Variants in ZNF470 observed in about 807,000 individuals in gnomAD.
ZNF470 encodes chondrogenesis zinc finger protein 1.
Under a neutral mutation model 13.9 loss-of-function variants are expected in ZNF470, and 13 were observed. The observed-to-expected ratio is 0.94, with a 90% CI of 0.61 to 1.49. The LOEUF is 1.49. ZNF470 is among the 40% of genes most tolerant of loss of function. ZNF470 has a pLI of 0.00. For missense variants in ZNF470, 929 were observed against 857.3 expected (o/e 1.08, Z -1.04); for synonymous variants, 293 against 282.9 (o/e 1.04, Z -0.36).
Position 56,581,684 on chromosome 19 carries a change from ATATATAT to A in ZNF470, c.*3106_*3112del. 1.0e-6 allele frequency: 1 copy of A among 982,084 alleles called. No homozygotes were observed. The highest frequency in any genetic ancestry group is 1.2e-6 in the Non-Finnish European group (1 of 826,890). 60.8% of individuals were successfully genotyped at this position (982,084 alleles called of 1,614,324 possible). A position where few individuals can be genotyped will look rare whatever the true frequency, so the allele number is the denominator to read the frequency against. ...TGTGATATCAAAAATAAAAATCAAA[ATATATAT>A]TATAGTAGGCATTTGTTTTTCTCTG... On this transcript the variant is annotated 3_prime_UTR_variant, in exon 6 of 6. Transcript: ENST00000330619.
In ZNF470 at chr19:56,577,128, T is replaced by C; in HGVS notation, c.699T>C (p.Cys233=). The C allele has an allele frequency of 6.2e-7, 1 of 1,612,988 alleles. No individual in the cohort carries two copies. Among genetic ancestry groups the C allele is most frequent in the Non-Finnish European group, 8.5e-7 (1 of 1,179,700 alleles). ...AGAAACTTTTAAAATGTAATGACTG[T>C]GAGAAAATATTCAGCAAAATCTCAA... ...GEKKLLKCND[C]EKIFSKISTL... is the part of the protein sequence containing the mutation. Residue 233 remains cysteine (C), a synonymous_variant, in exon 6 of 6, where the codon TGT becomes TGC. Transcript: ENST00000330619.
At position 56,577,592 on chromosome 19, in the gene ZNF470, G is replaced by A. The variant is rs886800028; in HGVS notation, c.1163G>A (p.Arg388Gln). 26 of 1,613,808 alleles carry A rather than the reference G, an allele frequency of 1.6e-5. No individual in the cohort carries two copies. Among genetic ancestry groups the A allele is most frequent in the Admixed American group, 1.2e-4 (7 of 59,960 alleles). The change falls in exon 6 of 6, where the codon CGA becomes CAA. Residue 388 changes from arginine (R) to glutamine (Q), a missense_variant. Transcript: ENST00000330619. ...AATGCTTCTCTTATACGTCATCGGC[G>A]ATATTATCATACTGGAGAGAAACCC... ...RQNASLIRHR[R>Q]YYHTGEKPFD...
intron 3 of ZNF470, among the ~76,000 whole-genome samples, chr19:56,573,074 A>G (rs2044466476): frequency 6.6e-6 from 1 of 152,250 alleles, no homozygotes; most frequent in South Asian, 2.1e-4. Context: ...AATATAGGTA[A>G]TCTAGATTCA....
At position 56,574,288 on chromosome 19, in the gene ZNF470, T is replaced by C. The variant is rs772244227; in HGVS notation, c.61-106T>C. On this transcript the variant is annotated intron_variant, in intron 3 of 5. Transcript: ENST00000330619. ...TTTAGACCCTTAGTGCAGTTACTTA[T>C]ACATAGTGTTTTTAATCCCAAAGTG... 64 of 1,535,780 alleles carry C rather than the reference T, an allele frequency of 4.2e-5. No homozygotes were observed. In the Middle Eastern group the frequency reaches 5.1e-4, roughly 12 times the overall value.
chr19:56,578,790 A>G lies in ZNF470; in HGVS notation c.*207A>G, dbSNP rs1026974788. On this transcript the variant is annotated 3_prime_UTR_variant, in exon 6 of 6. Transcript: ENST00000330619. The stretch of plus-strand genomic sequence containing the variant: ...CATAATTTATGTTATTTTCCCATTT[A>G]AAACACTTGATTTGAAAAATATATT... The G allele has an allele frequency of 6.5e-6, 8 of 1,234,832 alleles. No individual in the cohort carries two copies. In the South Asian group the frequency reaches 1.9e-4, roughly 29 times the overall value. The allele number at this position is 1,234,832 out of a possible 1,614,324, so 76.5% of individuals were successfully genotyped here. A position where few individuals can be genotyped will look rare whatever the true frequency, so the allele number is the denominator to read the frequency against.
chr19:56,582,110 A>C lies in ZNF470; in HGVS notation c.*3527A>C, dbSNP rs542416199. On this transcript the variant is annotated 3_prime_UTR_variant, in exon 6 of 6. Coordinates refer to ENST00000330619, the MANE Select transcript of ZNF470 (RefSeq NM_001001668.4). ...GGTATTGGGAGTTGCTTTTTGGATGAGATGGGGCGAATAAGACTTATATTC... is the reference window on the plus strand; with the variant it reads ...GGTATTGGGAGTTGCTTTTTGGATGCGATGGGGCGAATAAGACTTATATTC... 5.7e-5 allele frequency: 56 copies of C among 985,242 alleles called. No individual in the cohort carries two copies. The highest frequency in any genetic ancestry group is 6.5e-5 in the Non-Finnish European group (54 of 829,924). The allele number at this position is 985,242 out of a possible 1,614,324, so 61.0% of individuals were successfully genotyped here.
chr19:56,568,924 T>C (rs1306501623), intron 2 of ZNF470, 41 bp downstream of exon 2: 3 of 152,312 alleles, frequency 2.0e-5, no homozygotes, highest in Admixed American at 2.0e-4. Context: ...AGAAACTGAC[T>C]CTGAAAGGGT....
intron 3 of ZNF470, among the ~76,000 whole-genome samples, chr19:56,573,714 G>A (rs766877587): frequency 2.6e-5 from 4 of 152,190 alleles, no homozygotes; most frequent in East Asian, 1.9e-4. Context: ...GGCTGAGGTG[G>A]GAGGATTGTG....
chr19:56,578,070 TCAGATTGCACAC>T lies in ZNF470; in HGVS notation c.1643_1654del (p.Gln548_His551del), dbSNP rs754385793. ...GTAAGGAATGTGGTAAGGCCTTCAGTCAGATTGCACACCTTGTTCAGCACCAGAGAGTTCATA... is the reference window on the plus strand; with the variant it reads ...GTAAGGAATGTGGTAAGGCCTTCAGTCTTGTTCAGCACCAGAGAGTTCATA... On this transcript the variant is annotated inframe_deletion, in exon 6 of 6. Coordinates refer to ENST00000330619, the MANE Select transcript of ZNF470 (RefSeq NM_001001668.4). 2.4e-5 allele frequency: 39 copies of T among 1,613,638 alleles called. No individual in the cohort carries two copies. The highest frequency in any genetic ancestry group is 2.9e-5 in the Non-Finnish European group (34 of 1,179,960).
In ZNF470 at chr19:56,574,728, G is replaced by A. The variant is rs759158697; in HGVS notation, c.278G>A (p.Cys93Tyr). Reference protein sequence around the residue: ...VIKGGMNRGLCPDLECVWVTK... With the variant: ...VIKGGMNRGLYPDLECVWVTK... ...AAAGGAGGGATGAACAGAGGCCTGTGCCCAGGTAAGTGGAGGATACCTAGA... is the reference window on the plus strand; with the variant it reads ...AAAGGAGGGATGAACAGAGGCCTGTACCCAGGTAAGTGGAGGATACCTAGA... The change falls in exon 5 of 6, where the codon TGC becomes TAC. Residue 93 changes from cysteine (C) to tyrosine (Y), a missense_variant. Cys to Tyr is a radical substitution (Grantham distance 194). Transcript: ENST00000330619. 10 of 1,613,038 alleles carry A rather than the reference G, an allele frequency of 6.2e-6. No individual in the cohort carries two copies. Among genetic ancestry groups the A allele is most frequent in the Non-Finnish European group, 8.5e-6 (10 of 1,179,448 alleles).
chr19:56,573,925 A>G (rs758531308), intron 3 of ZNF470: 2 of 983,092 alleles, frequency 2.0e-6, no homozygotes, highest in East Asian at 1.1e-4. Flanking sequence ...ACCTCTTAAC[A>G]TCTCAAGAAC....
Position 56,581,953 on chromosome 19 carries a change from T to C in ZNF470, c.*3370T>C, listed in dbSNP as rs2044539326. The C allele has an allele frequency of 6.1e-6, 6 of 985,322 alleles. No individual in the cohort carries two copies. The highest frequency in any genetic ancestry group is 7.2e-6 in the Non-Finnish European group (6 of 829,948). 61.0% of individuals were successfully genotyped at this position (985,322 alleles called of 1,614,324 possible). On this transcript the variant is annotated 3_prime_UTR_variant, in exon 6 of 6. Transcript: ENST00000330619. Reference sequence around the variant, plus strand: ...TTGTACTTTCCAAGTCTGTGATTCCTCAAACTACCCATTGTCTTTCCGGTA... The same window carrying C: ...TTGTACTTTCCAAGTCTGTGATTCCCCAAACTACCCATTGTCTTTCCGGTA...
In ZNF470 at chr19:56,578,605, T is replaced by C. The variant is rs370480814; in HGVS notation, c.*22T>C. 2,036 of 1,481,042 alleles carry C rather than the reference T, an allele frequency of 1.4e-3. 3 individuals carry two copies. Among genetic ancestry groups the C allele is most frequent in the Non-Finnish European group, 1.7e-3 (1,917 of 1,113,714 alleles). The allele number at this position is 1,481,042 out of a possible 1,614,324, so 91.7% of individuals were successfully genotyped here. ...ATAGATTCAATCTCGTAAATGCTTC[T>C]AGCATCCATCTGCTTTTTTCCAGCA... On this transcript the variant is annotated 3_prime_UTR_variant, in exon 6 of 6. Coordinates refer to ENST00000330619, the MANE Select transcript of ZNF470 (RefSeq NM_001001668.4).
chr19:56,581,696 G>T lies in ZNF470; in HGVS notation c.*3113G>T. The T allele has an allele frequency of 1.0e-6, 1 of 983,980 alleles. No homozygotes were observed. Among genetic ancestry groups the T allele is most frequent in the Non-Finnish European group, 1.2e-6 (1 of 828,640 alleles). The allele number at this position is 983,980 out of a possible 1,614,324, so 61.0% of individuals were successfully genotyped here. On this transcript the variant is annotated 3_prime_UTR_variant, in exon 6 of 6. Coordinates refer to ENST00000330619, the MANE Select transcript of ZNF470 (RefSeq NM_001001668.4). Reference sequence around the variant, plus strand: ...AATAAAAATCAAAATATATATTATAGTAGGCATTTGTTTTTCTCTGCCCAG... The same window carrying T: ...AATAAAAATCAAAATATATATTATATTAGGCATTTGTTTTTCTCTGCCCAG...
chr19:56,570,501 C>A, intron 3 of ZNF470, 130 bp downstream of exon 3: 2 of 849,162 alleles, frequency 2.4e-6, no homozygotes, highest in Non-Finnish European at 1.9e-6. Context: ...TCTTCCCTTT[C>A]TGATATGTGA....
rs768842930 is a variant in ZNF470 at position 56,570,389 on chromosome 19, C to A, written c.60+18C>A. On this transcript the variant is annotated intron_variant, in intron 3 of 5. Coordinates refer to ENST00000330619, the MANE Select transcript of ZNF470 (RefSeq NM_001001668.4). ...TGTCCCTGGTGAGTTAGTATTCCCC[C>A]TCTCCCCACTAAAATAGTTTTGCTT... 1.1e-5 allele frequency: 18 copies of A among 1,612,100 alleles called. No individual in the cohort carries two copies. The highest frequency in any genetic ancestry group is 1.6e-4 in the Middle Eastern group (1 of 6,062).
In ZNF470 at chr19:56,574,355, G is replaced by A. The variant is rs577769230; in HGVS notation, c.61-39G>A. On this transcript the variant is annotated intron_variant, in intron 3 of 5. Transcript: ENST00000330619. The stretch of plus-strand genomic sequence containing the variant: ...TTACCCTAGAGCTGCATTGGAATGT[G>A]AACACTGAGTGAGCAAGATCATATT... The A allele has an allele frequency of 4.3e-6, 7 of 1,612,772 alleles. No homozygotes were observed. The African/African-American group carries it at 5.3e-5, about 12-fold the overall frequency.
rs557994777 is a variant in ZNF470, at chr19:56,573,090, C to T, written c.61-1304C>T. Among the ~76,000 whole-genome samples, 27 of 152,206 alleles carry T rather than the reference C, an allele frequency of 1.8e-4. 1 individual carries two copies. The South Asian group carries it at 3.7e-3, about 21-fold the overall frequency. On this transcript the variant is annotated intron_variant, in intron 3 of 5. Transcript: ENST00000330619. ...ATATAGGTAATCTAGATTCAGAGAC[C>T]ATGTCTAAACTATTGTAGCATACTA...
In ZNF470 at chr19:56,578,507, C is replaced by T. The variant is rs1174279547; in HGVS notation, c.2078C>T (p.Ala693Val). 3.1e-6 allele frequency: 5 copies of T among 1,605,138 alleles called. No homozygotes were observed. In the East Asian group the frequency reaches 6.7e-5, roughly 21 times the overall value. ...GKAFRQSVHL[A>V]HHQRIHTGES... ...GCCTTCAGGCAGAGTGTACATCTTGCTCATCATCAGCGAATTCATACCGGA... is the reference window on the plus strand; with the variant it reads ...GCCTTCAGGCAGAGTGTACATCTTGTTCATCATCAGCGAATTCATACCGGA... Residue 693 changes from alanine (A) to valine (V), a missense_variant, in exon 6 of 6, where the codon GCT becomes GTT. Physicochemically the swap from Ala to Val is moderately conservative, Grantham distance 64. Coordinates refer to ENST00000330619, the MANE Select transcript of ZNF470 (RefSeq NM_001001668.4).
Sources: gnomAD v4.1 joint callset for allele counts (sites outside exome capture counted in the v4.1 genomes callset) on GRCh38, gnomAD v4.1.1 for gene constraint, MANE v1.5 for transcripts, NCBI Gene and HGNC (gene_info 2026-07-23, HGNC 2026-07-21) for gene names.